Variants in TAMM41 observed in about 807,000 individuals in gnomAD.
TAMM41 encodes the protein TAM41 mitochondrial translocator assembly and maintenance homolog.
TAMM41 carries 36 observed loss-of-function variants against 44.1 expected under a neutral mutation model. The observed-to-expected ratio is 0.82, with a 90% confidence interval of 0.63 to 1.08. The LOEUF is 1.08. Among genes scored for constraint, TAMM41 ranks in the 50% least tolerant of loss-of-function variants. The pLI, the probability that TAMM41 is intolerant of heterozygous loss-of-function variation, is 0.00. For synonymous variants in TAMM41, 164 were observed against 153.1 expected (o/e 1.07, Z -0.53); for missense variants, 417 against 404.3 (o/e 1.03, Z -0.27).
downstream of TAMM41, among the ~76,000 whole-genome samples, chr3:11,786,602 C>T (rs2077419537): frequency 1.3e-5 from 2 of 151,878 alleles, no homozygotes; most frequent in Admixed American, 6.6e-5. Context: ...TGCAGCCAGC[C>T]CCTTCTATTT....
intron 4 of TAMM41, 59 bp downstream of exon 4, chr3:11,829,655 C>A: frequency 1.3e-6 from 2 of 1,582,308 alleles, no homozygotes; most frequent in African/African-American, 1.3e-5. Context: ...ACAGGATATC[C>A]GCAGTCTTCA....
intron 3 of TAMM41, among the ~76,000 whole-genome samples, chr3:11,832,135 T>C (rs1397166554): frequency 1.3e-5 from 2 of 152,218 alleles, no homozygotes; most frequent in African/African-American, 4.8e-5. Context: ...TCTTGAAAGA[T>C]GATTAAAACA....
chr3:11,738,095 C>A, the TAMM41 span, among the ~76,000 whole-genome samples: 1 of 152,146 alleles, frequency 6.6e-6, no homozygotes, highest in Non-Finnish European at 1.5e-5. Flanking sequence ...ATGAAAAGGT[C>A]GTTCAGATGA....
At chr3:11,817,462 C>A (rs1365606793) in intron 4 of TAMM41, 125 bp from the exon 5 acceptor site, 1 of 969,402 alleles carries the variant, frequency 1.0e-6, no homozygotes, top group African/African-American at 1.6e-5. Flanking sequence ...AGAACACTTG[C>A]TTTTCCTCCT....
intron 4 of TAMM41, among the ~76,000 whole-genome samples, chr3:11,825,908 C>T (rs1399978245): frequency 2.6e-5 from 4 of 152,080 alleles, no homozygotes; most frequent in Admixed American, 6.5e-5. Flanking sequence ...AGCCACAGCA[C>T]CCTGCAAATT....
chr3:11,762,589 A>T, the TAMM41 span, among the ~76,000 whole-genome samples: 1 of 152,172 alleles, frequency 6.6e-6, no homozygotes, highest in East Asian at 1.9e-4. Context: ...ATTTATCATA[A>T]TTCTCTTGTC....
At chr3:11,767,156 C>A in the TAMM41 span, among the ~76,000 whole-genome samples, 1 of 152,148 alleles carries the variant, frequency 6.6e-6, no homozygotes, top group Non-Finnish European at 1.5e-5. Context: ...GCAACCTCCG[C>A]CCTCTGGGTT....
the TAMM41 span, among the ~76,000 whole-genome samples, chr3:11,749,412 G>T: frequency 6.6e-6 from 1 of 152,174 alleles, no homozygotes; most frequent in East Asian, 1.9e-4. Flanking sequence ...GGCCACCAAA[G>T]CCTGTTTCCT....
At chr3:11,781,849 G>C in the TAMM41 span, among the ~76,000 whole-genome samples, 1 of 152,030 alleles carries the variant, frequency 6.6e-6, no homozygotes, top group Non-Finnish European at 1.5e-5. Flanking sequence ...GGAAGTCACA[G>C]CCTGCCTGGG....
the TAMM41 span, among the ~76,000 whole-genome samples, chr3:11,741,789 G>A: frequency 1.2e-4 from 18 of 149,924 alleles, 1 homozygote; most frequent in East Asian, 3.8e-4. Flanking sequence ...AATTGCCAGC[G>A]TCGCTACTCT....
intron 7 of TAMM41, among the ~76,000 whole-genome samples, chr3:11,803,158 G>C (rs2077801998): frequency 6.6e-6 from 1 of 152,186 alleles, no homozygotes; most frequent in Non-Finnish European, 1.5e-5. Flanking sequence ...TGTAGTCCCA[G>C]CTACTCGGGA....
chr3:11,807,293 G>C, intron 7 of TAMM41: 1 of 1,442,124 alleles, frequency 6.9e-7, no homozygotes, highest in South Asian at 1.5e-5. Context: ...AGGACAGAGG[G>C]ATGGGAGGGT....
chr3:11,835,876 G>T (rs1055541867), intron 3 of TAMM41, among the ~76,000 whole-genome samples: 2 of 152,140 alleles, frequency 1.3e-5, no homozygotes, highest in Non-Finnish European at 2.9e-5. Context: ...TGTCAGTGGT[G>T]CAGGGTCACA....
At chr3:11,736,622 C>T in the TAMM41 span, among the ~76,000 whole-genome samples, 72 of 152,298 alleles carry the variant, frequency 4.7e-4, no homozygotes, top group African/African-American at 1.5e-3. Context: ...CTCTTGATCA[C>T]AGCGGGGCCT....
chr3:11,801,415 C>T (rs1157560154), intron 7 of TAMM41, among the ~76,000 whole-genome samples: 1 of 152,100 alleles, frequency 6.6e-6, no homozygotes, highest in East Asian at 1.9e-4. Context: ...CCTCAAACTC[C>T]TTTGGCTCAA....
the TAMM41 span, among the ~76,000 whole-genome samples, chr3:11,759,929 G>A: frequency 5.3e-5 from 8 of 151,966 alleles, no homozygotes; most frequent in African/African-American, 1.7e-4. Flanking sequence ...AGCCGAGATC[G>A]CGCCATTGCA....
the TAMM41 span, among the ~76,000 whole-genome samples, chr3:11,768,243 C>T: frequency 2.0e-5 from 3 of 151,536 alleles, no homozygotes; most frequent in African/African-American, 7.3e-5. Context: ...CTCAAGCAAT[C>T]CTCTCACCTC....
the TAMM41 span, among the ~76,000 whole-genome samples, chr3:11,736,351 G>T: frequency 6.6e-6 from 1 of 152,186 alleles, no homozygotes; most frequent in African/African-American, 2.4e-5. Context: ...CCAATCATGT[G>T]ATTAGCTCAG....
the TAMM41 span, among the ~76,000 whole-genome samples, chr3:11,784,247 C>A: frequency 2.6e-5 from 4 of 152,302 alleles, no homozygotes; most frequent in Admixed American, 1.3e-4. Flanking sequence ...GTAATTCTGG[C>A]ACTTTGGGAG....
Sources: allele counts gnomAD v4.1 joint callset (sites outside exome capture counted in the v4.1 genomes callset), GRCh38; gene constraint gnomAD v4.1.1; transcripts MANE v1.5; gene names NCBI Gene and HGNC (gene_info 2026-07-23, HGNC 2026-07-21).